Variants in APBB2 observed in about 807,000 individuals in gnomAD.
The protein encoded by APBB2 is Fe65-like 1.
A neutral mutation model predicts 82.5 loss-of-function variants in APBB2; 38 were observed. The observed-to-expected ratio is 0.46, with a 90% CI of 0.36 to 0.60. APBB2 has a LOEUF of 0.60. Among genes scored for constraint, APBB2 ranks in the 20% least tolerant of loss-of-function variants. APBB2 has a pLI of 0.00. For missense variants in APBB2, 772 were observed against 972.3 expected, an observed-to-expected ratio of 0.79 and a Z score of 2.74; for synonymous variants, 341 against 368.2, an observed-to-expected ratio of 0.93 and a Z score of 0.85.
rs1439366007 is a variant in APBB2 at position 40,982,349 on chromosome 4, AG to A, written c.835+31233del. ...AAAGAAAGAAGGAAGGAAGGAAGGA[AG>A]GAAGGAAGGAAGGAAGGAAGGAAGG... On this transcript the variant is annotated intron_variant, in intron 6 of 17. Coordinates refer to ENST00000508593, the MANE Select transcript of APBB2 (RefSeq NM_004307.2). Among the ~76,000 whole-genome samples, 23 of 14,310 alleles carry A rather than the reference AG, an allele frequency of 1.6e-3. 1 individual carries two copies. The highest frequency in any genetic ancestry group is 2.2e-3 in the Non-Finnish European group (16 of 7,194). 9.4% of individuals were successfully genotyped at this position (14,310 alleles called of 152,430 possible).
chr4:41,160,478 A>T (rs1374485894), intron 1 of APBB2, among the ~76,000 whole-genome samples: 1 of 152,202 alleles, frequency 6.6e-6, no homozygotes, highest in Non-Finnish European at 1.5e-5. Context: ...GGAGCTGAAG[A>T]TTGCAGCAGA....
intron 6 of APBB2, among the ~76,000 whole-genome samples, chr4:40,971,375 A>G (rs576611806): frequency 6.6e-6 from 1 of 152,342 alleles, no homozygotes; most frequent in African/African-American, 2.4e-5. Flanking sequence ...ATGTTATAGT[A>G]CTGACAAGTG....
At chr4:41,121,235 A>C (rs1752704503) in intron 2 of APBB2, among the ~76,000 whole-genome samples, 1 of 152,262 alleles carries the variant, frequency 6.6e-6, no homozygotes, top group Non-Finnish European at 1.5e-5. Context: ...ACTTTTAAAA[A>C]ATAAAATGTT....
chr4:40,898,903 G>A (rs539256970), intron 10 of APBB2, among the ~76,000 whole-genome samples: 2 of 150,422 alleles, frequency 1.3e-5, no homozygotes, highest in East Asian at 3.9e-4. Flanking sequence ...CCCTTCCCCA[G>A]AGTTTCTGAT....
At chr4:40,858,593 G>T (rs1417273914) in intron 12 of APBB2, among the ~76,000 whole-genome samples, 1 of 151,956 alleles carries the variant, frequency 6.6e-6, no homozygotes, top group Non-Finnish European at 1.5e-5. Context: ...AATCAAGGGA[G>T]TATTTAACTA....
chr4:40,902,470 G>A (rs1326849712), intron 10 of APBB2, among the ~76,000 whole-genome samples: 3 of 152,194 alleles, frequency 2.0e-5, no homozygotes, highest in African/African-American at 7.2e-5. Flanking sequence ...CAGGGTGGCT[G>A]GAGCTGACAG....
intron 2 of APBB2, among the ~76,000 whole-genome samples, chr4:41,115,743 T>G (rs981652718): frequency 2.0e-5 from 3 of 152,104 alleles, no homozygotes; most frequent in African/African-American, 7.2e-5. Flanking sequence ...ATTACAGAAA[T>G]GCAAATCAAA....
intron 12 of APBB2, among the ~76,000 whole-genome samples, chr4:40,862,322 C>T (rs1488358977): frequency 2.0e-5 from 3 of 152,192 alleles, no homozygotes. Flanking sequence ...TTGAACTATC[C>T]TTAAATACCA....
chr4:40,835,415 G>A (rs1373343650), intron 12 of APBB2, among the ~76,000 whole-genome samples: 1 of 152,228 alleles, frequency 6.6e-6, no homozygotes, highest in East Asian at 1.9e-4. Flanking sequence ...GGGCAATGAG[G>A]TTTGAGCTGC....
chr4:40,844,233 C>T lies in APBB2; in HGVS notation c.1530-13656G>A, dbSNP rs968028306. On this transcript the variant is annotated intron_variant, in intron 12 of 17. Coordinates refer to ENST00000508593, the MANE Select transcript of APBB2 (RefSeq NM_004307.2). ...CTCTTTATTTACCCAACATAGATTT[C>T]CAGGGCCCCTCTGTGTGCCAGGCAC... Among the ~76,000 whole-genome samples the T allele has an allele frequency of 3.3e-5, 5 of 152,188 alleles. No individual in the cohort carries two copies. In the East Asian group the frequency reaches 7.7e-4, roughly 23 times the overall value.
At chr4:41,020,234 C>G (rs1811117532) in intron 5 of APBB2, among the ~76,000 whole-genome samples, 1 of 152,312 alleles carries the variant, frequency 6.6e-6, no homozygotes, top group East Asian at 1.9e-4. Context: ...ACTGACAACC[C>G]ATAGCCTTCC....
At chr4:41,165,126 G>A (rs1230192102) in intron 1 of APBB2, among the ~76,000 whole-genome samples, 1 of 152,186 alleles carries the variant, frequency 6.6e-6, no homozygotes, top group African/African-American at 2.4e-5. Context: ...CATTTGAGAT[G>A]TCCGCAAGGC....
intron 6 of APBB2, among the ~76,000 whole-genome samples, chr4:41,004,612 G>A (rs181071373): frequency 6.6e-6 from 1 of 152,004 alleles, no homozygotes; most frequent in Admixed American, 6.5e-5. Context: ...CAAGGCGGGT[G>A]GATCATGAGG....
chr4:40,835,311 A>C (rs950279186), intron 12 of APBB2, among the ~76,000 whole-genome samples: 1 of 152,038 alleles, frequency 6.6e-6, no homozygotes, highest in African/African-American at 2.4e-5. Flanking sequence ...CACTTCTACA[A>C]GCACCTTCTA....
intron 11 of APBB2, among the ~76,000 whole-genome samples, chr4:40,891,611 T>C (rs1438119198): frequency 2.0e-5 from 3 of 152,244 alleles, no homozygotes; most frequent in Non-Finnish European, 4.4e-5. Context: ...GGTATCTCAG[T>C]GCCTCTGTCA....
intron 2 of APBB2, among the ~76,000 whole-genome samples, chr4:41,118,430 A>G (rs1016640104): frequency 5.9e-5 from 9 of 152,102 alleles, no homozygotes; most frequent in Admixed American, 3.9e-4. Flanking sequence ...TTTACCACCC[A>G]TATCATGGTA....
chr4:41,011,567 AC>A (rs1808387106), intron 6 of APBB2, among the ~76,000 whole-genome samples: 1 of 152,112 alleles, frequency 6.6e-6, no homozygotes, highest in South Asian at 2.1e-4. Context: ...GGTAGCTGGG[AC>A]TACAGCCACC....
intron 12 of APBB2, among the ~76,000 whole-genome samples, chr4:40,867,700 C>G (rs1315839020): frequency 2.6e-5 from 4 of 152,282 alleles, no homozygotes; most frequent in Admixed American, 6.5e-5. Context: ...AGATGACGTT[C>G]CCATGTACTC....
At position 40,857,612 on chromosome 4, in the gene APBB2, AGGC is replaced by A. The variant is rs1479922811; in HGVS notation, c.1530-27038_1530-27036del. Among the ~76,000 whole-genome samples, 320 of 152,082 alleles carry A rather than the reference AGGC, an allele frequency of 2.1e-3. 3 individuals are homozygous for A. Among genetic ancestry groups the A allele is most frequent in the African/African-American group, 7.4e-3 (306 of 41,502 alleles). On this transcript the variant is annotated intron_variant, in intron 12 of 17. Transcript: ENST00000508593. ...CAGCCTCCCTAGCAGCTGGGATTAC[AGGC>A]GCCCGCCACCATGCCTGGCTAATTT...
Sources: gnomAD v4.1 joint callset for allele counts (sites outside exome capture counted in the v4.1 genomes callset) on GRCh38, gnomAD v4.1.1 for gene constraint, MANE v1.5 for transcripts, NCBI Gene and HGNC (gene_info 2026-07-23, HGNC 2026-07-21) for gene names.